FBXL17: variants seen among roughly 807,000 people sequenced by gnomAD.
The protein encoded by FBXL17 is F-box/LRR-repeat protein 17.
Under a neutral mutation model 66.2 loss-of-function variants are expected in FBXL17, and 22 were observed. The ratio of observed to expected loss-of-function variants is 0.33; its 90% CI spans 0.24 to 0.47. The LOEUF is 0.47. Ranked by LOEUF, FBXL17 falls within the 20% of genes least tolerant of loss-of-function variation. The pLI is 1.00. For synonymous variants in FBXL17, 474 were observed against 400.5 expected (o/e 1.18, Z -2.19); for missense variants, 878 against 948.2 (o/e 0.93, Z 0.97).
chr5:107,941,617 A>G (rs969875382), intron 7 of FBXL17, among the ~76,000 whole-genome samples: 1 of 152,202 alleles, frequency 6.6e-6, no homozygotes, highest in African/African-American at 2.4e-5. Context: ...ATGCTTCCCC[A>G]GAGAGTTTTA....
chr5:108,229,745 C>A (rs1052411226), intron 4 of FBXL17, among the ~76,000 whole-genome samples: 1 of 152,090 alleles, frequency 6.6e-6, no homozygotes, highest in Non-Finnish European at 1.5e-5. Flanking sequence ...AGAGCTTCTG[C>A]ACAACAAAAG....
chr5:108,188,007 G>A (rs1215473435), intron 5 of FBXL17, among the ~76,000 whole-genome samples: 2 of 152,206 alleles, frequency 1.3e-5, no homozygotes, highest in African/African-American at 2.4e-5. Context: ...TGTGACCAGT[G>A]TGACAGGGGA....
intron 6 of FBXL17, among the ~76,000 whole-genome samples, chr5:108,057,069 G>C (rs1024547644): frequency 2.0e-4 from 30 of 152,114 alleles, no homozygotes; most frequent in Non-Finnish European, 5.9e-5. Context: ...GCATCCAAAA[G>C]CATTTTGCAA....
At chr5:108,254,509 G>C (rs967752913) in intron 4 of FBXL17, among the ~76,000 whole-genome samples, 1 of 152,126 alleles carries the variant, frequency 6.6e-6, no homozygotes, top group African/African-American at 2.4e-5. Context: ...ATCATCATCA[G>C]GATATTCTGT....
chr5:107,860,317 A>T lies in FBXL17; in HGVS notation c.*1403T>A, dbSNP rs191479392. The T allele has an allele frequency of 2.6e-5, 4 of 152,762 alleles. No homozygotes were observed. The highest frequency in any genetic ancestry group is 2.6e-4 in the Admixed American group (4 of 15,306). 9.5% of individuals were successfully genotyped at this position (152,762 alleles called of 1,614,324 possible). The stretch of plus-strand genomic sequence containing the variant: ...AAAATAAATAGCAACTTCACAAGTT[A>T]GGGTTTTGTTTCTAGTTCTACTGTG... On this transcript the variant is annotated 3_prime_UTR_variant, in exon 9 of 9. Coordinates refer to ENST00000542267, the MANE Select transcript of FBXL17 (RefSeq NM_001163315.3).
At chr5:108,011,763 G>A (rs551942391) in intron 7 of FBXL17, among the ~76,000 whole-genome samples, 9 of 152,300 alleles carry the variant, frequency 5.9e-5, no homozygotes, top group South Asian at 2.1e-4. Context: ...GGTGGAGGTC[G>A]CAGTGAGTTA....
At chr5:108,238,031 G>C (rs1755683578) in intron 4 of FBXL17, among the ~76,000 whole-genome samples, 1 of 151,954 alleles carries the variant, frequency 6.6e-6, no homozygotes, top group Admixed American at 6.6e-5. Context: ...ACCTTCCTTT[G>C]CTTTTATGTA....
chr5:108,231,182 G>A (rs1479136087), intron 4 of FBXL17, among the ~76,000 whole-genome samples: 1 of 152,030 alleles, frequency 6.6e-6, no homozygotes, highest in African/African-American at 2.4e-5. Context: ...CAACTTATAT[G>A]CCATAAAATC....
chr5:107,971,405 C>A (rs186775814), intron 7 of FBXL17, among the ~76,000 whole-genome samples: 173 of 152,288 alleles, frequency 1.1e-3, no homozygotes, highest in African/African-American at 3.8e-3. Flanking sequence ...AGGCGCACTG[C>A]CACATTGATT....
chr5:108,013,988 C>T (rs1754281794), intron 7 of FBXL17, among the ~76,000 whole-genome samples: 1 of 152,136 alleles, frequency 6.6e-6, no homozygotes, highest in Admixed American at 6.6e-5. Context: ...AACTATCCAT[C>T]AGTGATATAA....
At chr5:108,214,534 AT>A (rs1345590290) in intron 5 of FBXL17, among the ~76,000 whole-genome samples, 1 of 151,756 alleles carries the variant, frequency 6.6e-6, no homozygotes, top group East Asian at 1.9e-4. Context: ...CACCCAGCTA[AT>A]TTTTTTAAAT....
At chr5:108,121,583 G>A (rs1472640469) in intron 6 of FBXL17, among the ~76,000 whole-genome samples, 1 of 150,956 alleles carries the variant, frequency 6.6e-6, no homozygotes, top group Middle Eastern at 3.2e-3. Context: ...TTTTGAGACA[G>A]AGTCTCGCTC....
chr5:108,243,126 A>G (rs1755935132), intron 4 of FBXL17, among the ~76,000 whole-genome samples: 1 of 152,208 alleles, frequency 6.6e-6, no homozygotes, highest in Non-Finnish European at 1.5e-5. Flanking sequence ...AGATTGGCTG[A>G]TAAAAAGAGA....
chr5:108,221,472 T>C (rs1754860688), intron 5 of FBXL17, among the ~76,000 whole-genome samples: 1 of 152,198 alleles, frequency 6.6e-6, no homozygotes, highest in Admixed American at 6.5e-5. Flanking sequence ...TACAGGCACA[T>C]AATTTCAAAG....
At chr5:108,206,264 A>T (rs1036791883) in intron 5 of FBXL17, among the ~76,000 whole-genome samples, 4 of 152,176 alleles carry the variant, frequency 2.6e-5, no homozygotes, top group Non-Finnish European at 5.9e-5. Context: ...TCCTATAAGA[A>T]AAAAAGGATA....
rs186848727 is a variant in FBXL17, at chr5:108,020,730, A to G, written c.1822+195T>C. 9 of 465,504 alleles carry G rather than the reference A, an allele frequency of 1.9e-5. 1 individual carries two copies. In the Admixed American group the frequency reaches 3.2e-4, roughly 16 times the overall value. 28.8% of individuals were successfully genotyped at this position (465,504 alleles called of 1,614,324 possible). A position where few individuals can be genotyped will look rare whatever the true frequency, so the allele number is the denominator to read the frequency against. ...TGTGTGTGATTGCATGTGGCAATGA[A>G]GTAATATGCATATTCATTTTACTCT... On this transcript the variant is annotated intron_variant, in intron 7 of 8. Transcript: ENST00000542267.
chr5:108,285,399 ACTAT>A (rs1425905065), intron 4 of FBXL17, among the ~76,000 whole-genome samples: 1 of 151,882 alleles, frequency 6.6e-6, no homozygotes, highest in African/African-American at 2.4e-5. Context: ...AAGAGGAATC[ACTAT>A]CTATGGCAGC....
intron 7 of FBXL17, among the ~76,000 whole-genome samples, chr5:107,966,659 C>T (rs1752152266): frequency 6.6e-6 from 1 of 152,102 alleles, no homozygotes; most frequent in South Asian, 2.1e-4. Flanking sequence ...CCTTATCATT[C>T]CTTTACAAAA....
rs144977855 is a variant in FBXL17, at chr5:108,253,804, G to A, written c.1507-29576C>T. Among the ~76,000 whole-genome samples the A allele has an allele frequency of 4.6e-3, 694 of 152,058 alleles. 6 individuals carry two copies. Among genetic ancestry groups the A allele is most frequent in the African/African-American group, 0.016 (654 of 41,490 alleles). On this transcript the variant is annotated intron_variant, in intron 4 of 8. Coordinates refer to ENST00000542267, the MANE Select transcript of FBXL17 (RefSeq NM_001163315.3). ...GCCCAGGAGTTCAAGACCAGCCTGG[G>A]CAACAAGGTGAAACCCCATCTCTAC... is the stretch of plus-strand genomic sequence containing the variant.
Sources: allele counts gnomAD v4.1 joint callset (sites outside exome capture counted in the v4.1 genomes callset), GRCh38; gene constraint gnomAD v4.1.1; transcripts MANE v1.5; gene names NCBI Gene and HGNC (gene_info 2026-07-23, HGNC 2026-07-21).